The following TADA2A variants were observed in gnomAD, a reference collection of about 807,000 sequenced individuals.
TADA2A encodes transcriptional adapter 2-alpha.
TADA2A carries 38 observed loss-of-function variants against 67.4 expected under a neutral mutation model. The observed-to-expected ratio is 0.56, with a 90% CI of 0.44 to 0.74. The LOEUF is 0.74. Among genes scored for constraint, TADA2A ranks in the 30% least tolerant of loss-of-function variants. TADA2A has a pLI of 0.00. For missense variants in TADA2A, 454 were observed against 547.0 expected, an observed-to-expected ratio of 0.83 and a Z score of 1.70; for synonymous variants, 192 against 181.6, an observed-to-expected ratio of 1.06 and a Z score of -0.46.
chr17:37,475,175 A>T (rs746206416), intron 15 of TADA2A, among the ~76,000 whole-genome samples: 7 of 150,436 alleles, frequency 4.7e-5, no homozygotes, highest in South Asian at 2.1e-4. Context: ...ATTTTTTTTT[A>T]TTTATTTATT....
chr17:37,415,539 GC>G (rs1410202652), intron 2 of TADA2A, among the ~76,000 whole-genome samples: 1 of 152,054 alleles, frequency 6.6e-6, no homozygotes, highest in East Asian at 1.9e-4. Context: ...AAAAGATAAT[GC>G]CCCTCTATAT....
At chr17:37,465,388 C>T in intron 10 of TADA2A, 43 bp from the exon 11 acceptor site, 1 of 1,465,924 alleles carries the variant, frequency 6.8e-7, no homozygotes, top group South Asian at 1.3e-5. Context: ...CTCAGGGATC[C>T]TTACATTTCC....
chr17:37,476,298 A>G (rs1037791247), intron 15 of TADA2A, among the ~76,000 whole-genome samples: 9 of 152,194 alleles, frequency 5.9e-5, no homozygotes, highest in Non-Finnish European at 1.2e-4. Context: ...AGGTCTCTTT[A>G]TCTCCTTTCC....
At chr17:37,409,515 C>T (rs1437991613) in intron 1 of TADA2A, among the ~76,000 whole-genome samples, 1 of 151,778 alleles carries the variant, frequency 6.6e-6, no homozygotes, top group Non-Finnish European at 1.5e-5. Context: ...GCCTGTAATC[C>T]CAGCACTTGG....
chr17:37,468,867 G>A (rs970158023), intron 12 of TADA2A, among the ~76,000 whole-genome samples: 1 of 151,538 alleles, frequency 6.6e-6, no homozygotes, highest in African/African-American at 2.4e-5. Flanking sequence ...ATTATTGATA[G>A]TTGTCACCTA....
chr17:37,457,884 A>G (rs905389177), intron 8 of TADA2A, among the ~76,000 whole-genome samples: 4 of 152,208 alleles, frequency 2.6e-5, no homozygotes, highest in East Asian at 1.9e-4. Context: ...TAATAGTTAC[A>G]TAACAATGTC....
chr17:37,431,938 C>T (rs1462515265), intron 4 of TADA2A, among the ~76,000 whole-genome samples: 1 of 152,142 alleles, frequency 6.6e-6, no homozygotes, highest in Non-Finnish European at 1.5e-5. Flanking sequence ...TTCAGTATTT[C>T]ATTAGGTCTC....
At chr17:37,462,377 C>G (rs928841535) in intron 10 of TADA2A, among the ~76,000 whole-genome samples, 2 of 151,926 alleles carry the variant, frequency 1.3e-5, no homozygotes, top group Non-Finnish European at 2.9e-5. Context: ...GCCTGTAATC[C>G]CAGCACTTTG....
chr17:37,417,115 C>T (rs2052075303), intron 2 of TADA2A, among the ~76,000 whole-genome samples: 1 of 151,926 alleles, frequency 6.6e-6, no homozygotes, highest in African/African-American at 2.4e-5. Context: ...CACAATGGCT[C>T]ACGACTGTAA....
chr17:37,455,608 C>G (rs982195735), intron 8 of TADA2A, among the ~76,000 whole-genome samples: 1 of 152,080 alleles, frequency 6.6e-6, no homozygotes, highest in Non-Finnish European at 1.5e-5. Flanking sequence ...GTCTTGAGCT[C>G]CTGACCTTGT....
At chr17:37,429,618 G>T (rs917875937) in intron 4 of TADA2A, among the ~76,000 whole-genome samples, 1 of 152,058 alleles carries the variant, frequency 6.6e-6, no homozygotes. Context: ...CTACAGCACT[G>T]CAGTATATTT....
At chr17:37,450,969 A>C (rs987720819) in intron 8 of TADA2A, among the ~76,000 whole-genome samples, 3 of 151,900 alleles carry the variant, frequency 2.0e-5, no homozygotes, top group African/African-American at 7.3e-5. Flanking sequence ...CAGTTGTACA[A>C]GTTTAAACTA....
intron 8 of TADA2A, among the ~76,000 whole-genome samples, chr17:37,451,153 A>G (rs2053221138): frequency 6.6e-6 from 1 of 151,924 alleles, no homozygotes; most frequent in African/African-American, 2.4e-5. Flanking sequence ...TTAGCCTCAC[A>G]AGTAGCTAGG....
intron 3 of TADA2A, among the ~76,000 whole-genome samples, chr17:37,425,614 G>A (rs1204356368): frequency 1.3e-5 from 2 of 152,062 alleles, no homozygotes; most frequent in African/African-American, 4.8e-5. Flanking sequence ...AAGTTGTGAT[G>A]TACTTTCGAT....
chr17:37,474,396 T>A lies in TADA2A; in HGVS notation c.1073-160T>A, dbSNP rs191022057. On this transcript the variant is annotated intron_variant, in intron 14 of 15. Transcript: ENST00000615182. ...CAAGTGAATGTTCGGGTGCCCATGT[T>A]GTTAGCTAAACAGGCCTGAGGGAAT... is the stretch of plus-strand genomic sequence containing the variant. Among the ~76,000 whole-genome samples, 18 of 152,334 alleles carry A rather than the reference T, an allele frequency of 1.2e-4. No homozygotes were observed. The East Asian group carries it at 3.5e-3, about 29-fold the overall frequency.
intron 11 of TADA2A, among the ~76,000 whole-genome samples, chr17:37,466,858 TAAAA>T (rs1461055999): frequency 6.6e-6 from 1 of 152,132 alleles, no homozygotes; most frequent in Non-Finnish European, 1.5e-5. Flanking sequence ...ACTTGGTTGT[TAAAA>T]AAATTATATT....
intron 4 of TADA2A, among the ~76,000 whole-genome samples, chr17:37,432,925 A>ATTTTTTTTTTTTTTTTTTTT (rs1046006991): frequency 1.9e-5 from 1 of 52,210 alleles, no homozygotes; most frequent in African/African-American, 7.4e-5. Flanking sequence ...TGGTATTACA[A>ATTTTTTTTTTTTTTTTTTTT]TTTTTTTTTT....
chr17:37,407,428 G>C (rs1386638449), intron 1 of TADA2A: 4 of 152,222 alleles, frequency 2.6e-5, no homozygotes, highest in African/African-American at 9.7e-5. Flanking sequence ...TCCACAACTC[G>C]GGAGCCTGCG....
intron 3 of TADA2A, among the ~76,000 whole-genome samples, chr17:37,425,823 T>TC: frequency 6.6e-6 from 1 of 151,218 alleles, no homozygotes; most frequent in South Asian, 2.1e-4. Context: ...TAATTTTTTT[T>TC]TTTTTTTTTT....
Sources: gnomAD v4.1 joint callset for allele counts (sites outside exome capture counted in the v4.1 genomes callset) on GRCh38, gnomAD v4.1.1 for gene constraint, MANE v1.5 for transcripts, NCBI Gene and HGNC (gene_info 2026-07-23, HGNC 2026-07-21) for gene names.